Variants in CEP112 observed in about 807,000 individuals in gnomAD.
CEP112 encodes the protein centrosomal protein 112.
Under a neutral mutation model 153.0 loss-of-function variants are expected in CEP112, and 127 were observed. The ratio of observed to expected loss-of-function variants is 0.83; its 90% confidence interval spans 0.72 to 0.96. CEP112 has a LOEUF of 0.96. CEP112 is among the 40% of genes least tolerant of loss of function. The pLI, the probability that CEP112 is intolerant of heterozygous loss-of-function variation, is 0.00. For synonymous variants in CEP112, 358 were observed against 374.4 expected (o/e 0.96, Z 0.51); for missense variants, 1,089 against 1,101.2 (o/e 0.99, Z 0.16).
intron 21 of CEP112, among the ~76,000 whole-genome samples, chr17:65,845,171 A>T (rs1324543894): frequency 2.0e-5 from 3 of 152,210 alleles, no homozygotes; most frequent in Non-Finnish European, 4.4e-5. Flanking sequence ...ATATAAAATT[A>T]GCCAGGCATG....
intron 6 of CEP112, among the ~76,000 whole-genome samples, chr17:66,111,776 T>C (rs191811791): frequency 1.3e-5 from 2 of 152,106 alleles, no homozygotes; most frequent in Admixed American, 1.3e-4. Flanking sequence ...AATACCTGGG[T>C]GATGACATGT....
At chr17:65,927,512 G>A (rs994558354) in intron 19 of CEP112, 70 bp downstream of exon 19, 4 of 809,590 alleles carry the variant, frequency 4.9e-6, no homozygotes, top group Non-Finnish European at 8.0e-6. Context: ...TTTTGTGATA[G>A]TGATTTTTAA....
intron 21 of CEP112, among the ~76,000 whole-genome samples, chr17:65,778,848 C>T (rs1477552457): frequency 1.3e-5 from 2 of 151,968 alleles, no homozygotes; most frequent in African/African-American, 4.8e-5. Context: ...CAAAAAAAGG[C>T]ATCTTTCAGG....
chr17:65,765,071 T>C (rs960650326), intron 21 of CEP112, among the ~76,000 whole-genome samples: 1 of 126,032 alleles, frequency 7.9e-6, no homozygotes, highest in African/African-American at 3.3e-5. Context: ...CTGCTTGATC[T>C]AGTCTGCTGT....
At chr17:66,008,078 C>T (rs1381696779) in intron 16 of CEP112, among the ~76,000 whole-genome samples, 1 of 151,900 alleles carries the variant, frequency 6.6e-6, no homozygotes, top group African/African-American at 2.4e-5. Context: ...ATATAATTGG[C>T]AAATAAAATT....
At chr17:66,050,085 T>C (rs1365334572) in intron 12 of CEP112, among the ~76,000 whole-genome samples, 2 of 152,174 alleles carry the variant, frequency 1.3e-5, no homozygotes, top group African/African-American at 2.4e-5. Context: ...GATATTTACA[T>C]ATATAAAAAT....
intron 23 of CEP112, among the ~76,000 whole-genome samples, chr17:65,693,216 G>A (rs571702257): frequency 4.6e-5 from 7 of 152,108 alleles, no homozygotes; most frequent in African/African-American, 1.7e-4. Context: ...AACCCTGAGA[G>A]TGCTACACTC....
chr17:65,913,135 T>G (rs1241382370), intron 19 of CEP112, among the ~76,000 whole-genome samples: 5 of 152,230 alleles, frequency 3.3e-5, no homozygotes, highest in Non-Finnish European at 7.3e-5. Context: ...TCTGAAAAAT[T>G]TGCATCTGCA....
At chr17:66,148,644 T>G (rs756629696) in intron 4 of CEP112, among the ~76,000 whole-genome samples, 3 of 152,188 alleles carry the variant, frequency 2.0e-5, no homozygotes, top group Non-Finnish European at 2.9e-5. Context: ...TCTCTTAATT[T>G]GCTTTTCAGA....
chr17:66,119,207 G>T (rs1248873246), intron 6 of CEP112, among the ~76,000 whole-genome samples: 1 of 152,134 alleles, frequency 6.6e-6, no homozygotes, highest in Non-Finnish European at 1.5e-5. Context: ...AGGCTAGAGG[G>T]TTGTGGGGAG....
intron 20 of CEP112, among the ~76,000 whole-genome samples, chr17:65,876,048 C>G (rs1215437367): frequency 6.6e-6 from 1 of 152,092 alleles, no homozygotes; most frequent in African/African-American, 2.4e-5. Context: ...GTTGAGAATT[C>G]TCATGAATAG....
chr17:65,756,275 G>A (rs1300592056), intron 21 of CEP112, among the ~76,000 whole-genome samples: 2 of 151,820 alleles, frequency 1.3e-5, no homozygotes, highest in Admixed American at 6.6e-5. Context: ...GCGTGGTGGC[G>A]GAAGCCTGTA....
chr17:65,925,903 A>G (rs1204761836), intron 19 of CEP112, among the ~76,000 whole-genome samples: 2 of 152,252 alleles, frequency 1.3e-5, no homozygotes, highest in Non-Finnish European at 2.9e-5. Context: ...GACACGTGAC[A>G]TAAGTATGAA....
intron 24 of CEP112, among the ~76,000 whole-genome samples, chr17:65,681,719 G>C (rs536853119): frequency 1.4e-5 from 2 of 146,814 alleles, no homozygotes; most frequent in East Asian, 4.0e-4. Context: ...TGTAGCCCAG[G>C]CTGGAGTACA....
intron 12 of CEP112, among the ~76,000 whole-genome samples, chr17:66,038,778 G>A (rs992267952): frequency 1.3e-5 from 2 of 152,162 alleles, no homozygotes; most frequent in African/African-American, 2.4e-5. Flanking sequence ...GTTGGACTTC[G>A]TGAACTGATG....
chr17:65,774,889 A>G (rs9972942), intron 21 of CEP112, among the ~76,000 whole-genome samples: 78,768 of 152,074 alleles, frequency 0.52, 22,172 homozygotes, highest in Non-Finnish European at 0.64. Context: ...GGAAGGGTTC[A>G]GCGAGGCTTT....
intron 6 of CEP112, among the ~76,000 whole-genome samples, chr17:66,120,775 A>G (rs964763824): frequency 2.0e-5 from 3 of 152,174 alleles, no homozygotes; most frequent in African/African-American, 7.2e-5. Flanking sequence ...CTAAAAGTTC[A>G]TTGATTCCAT....
intron 23 of CEP112, among the ~76,000 whole-genome samples, chr17:65,709,164 C>T (rs2049054607): frequency 6.6e-6 from 1 of 152,118 alleles, no homozygotes; most frequent in Non-Finnish European, 1.5e-5. Flanking sequence ...TGCCTGAACT[C>T]CAGGTTCTTG....
chr17:65,883,459 C>T (rs1432782334), intron 20 of CEP112, among the ~76,000 whole-genome samples: 1 of 152,084 alleles, frequency 6.6e-6, no homozygotes, highest in Non-Finnish European at 1.5e-5. Context: ...CTCCTGGGTT[C>T]AAGTGATTCT....
Sources: gnomAD v4.1 joint callset for allele counts (sites outside exome capture counted in the v4.1 genomes callset) on GRCh38, gnomAD v4.1.1 for gene constraint, MANE v1.5 for transcripts, NCBI Gene and HGNC (gene_info 2026-07-23, HGNC 2026-07-21) for gene names.